The following AHNAK2 variants were observed in gnomAD, a reference collection of about 807,000 sequenced individuals.
AHNAK2 encodes the protein protein AHNAK2.
A neutral mutation model predicts 30.7 loss-of-function variants in AHNAK2; 18 were observed. The ratio of observed to expected loss-of-function variants is 0.59; its 90% CI spans 0.41 to 0.87. AHNAK2 has a LOEUF of 0.87. AHNAK2 is among the 40% of genes least tolerant of loss of function. The pLI, the probability that AHNAK2 is intolerant of heterozygous loss-of-function variation, is 0.00. For synonymous variants in AHNAK2, 3,590 were observed against 3,073.8 expected (o/e 1.17, Z -5.56); for missense variants, 8,604 against 7,373.0 (o/e 1.17, Z -6.11).
In AHNAK2 at chr14:104,941,120, A is replaced by G. The variant is rs757478260; in HGVS notation, c.14331T>C (p.Pro4777=). ...GAGAGAGAATAGAAGATTCAAAGTG[A>G]GGACCAGTGAGATCAAGCCGGGATG... ...FPSSRLDLTG[P]HFESSILSPC... The change falls in exon 7 of 7, where the codon CCT becomes CCC. Residue 4777 remains proline, a synonymous_variant. Coordinates refer to ENST00000333244, the MANE Select transcript of AHNAK2 (RefSeq NM_138420.4). 4 of 1,613,684 alleles carry G rather than the reference A, an allele frequency of 2.5e-6. No homozygotes were observed. The highest frequency in any genetic ancestry group is 3.4e-6 in the Non-Finnish European group (4 of 1,179,896).
At chr14:104,970,725 C>T (rs369342088) in intron 1 of AHNAK2, among the ~76,000 whole-genome samples, 2 of 152,182 alleles carry the variant, frequency 1.3e-5, no homozygotes, top group Admixed American at 6.5e-5. Context: ...TGCCCACCCC[C>T]AGCCTGAGCA....
At position 104,948,127 on chromosome 14, in the gene AHNAK2, C is replaced by G. The variant is rs202152518; in HGVS notation, c.7324G>C (p.Val2442Leu). 7 of 1,612,612 alleles carry G rather than the reference C, an allele frequency of 4.3e-6. No homozygotes were observed. The highest frequency in any genetic ancestry group is 1.1e-5 in the South Asian group (1 of 91,046). Residue 2442 changes from valine (V) to leucine (L), a missense_variant, in exon 7 of 7, where the codon GTG becomes CTG. Transcript: ENST00000333244. The part of the protein sequence containing the change: ...GPKTDVMAPD[V>L]EVSQPSVEVD... ...TCCACGCTGGGCTGAGACACCTCCA[C>G]GTCGGGGGCCATCACGTCCGTCTTG...
In AHNAK2 at chr14:104,944,226, T is replaced by C. The variant is rs1470793464; in HGVS notation, c.11225A>G (p.Asp3742Gly). The change falls in exon 7 of 7, where the codon GAC (aspartate) becomes GGC (glycine). Residue 3742 changes from aspartate to glycine, a missense_variant. By Grantham distance (94) the Asp-to-Gly change is moderately conservative (BLOSUM62 -1). Transcript: ENST00000333244. ...PKVDLKGPQV[D>G]IKGPKLDLKV... ...TAGGTCCAGCTTGGGGCCCTTGATG[T>C]CCACCTGGGGGCCCTTGAGGTCCAC... 1 of 1,612,716 alleles carries C rather than the reference T, an allele frequency of 6.2e-7. No homozygotes were observed. Among genetic ancestry groups the C allele is most frequent in the South Asian group, 1.1e-5 (1 of 91,012 alleles).
intron 1 of AHNAK2, among the ~76,000 whole-genome samples, chr14:104,965,766 G>A (rs894723269): frequency 1.3e-5 from 2 of 152,354 alleles, no homozygotes; most frequent in East Asian, 1.9e-4. Context: ...ACTGTCCCAC[G>A]AAGACAGATG....
rs201267408 is a variant in AHNAK2, at chr14:104,948,931, C to T, written c.6520G>A (p.Ala2174Thr). The change falls in exon 7 of 7, where the codon GCC (alanine) becomes ACC (threonine). Residue 2174 changes from alanine to threonine, a missense_variant. By Grantham distance (58) the Ala-to-Thr change is moderately conservative (BLOSUM62 0). Transcript: ENST00000333244. Reference protein sequence around the residue: ...GVSAPGKSIEASVDVSPPKVE... With the variant: ...GVSAPGKSIETSVDVSPPKVE... The stretch of plus-strand genomic sequence containing the variant: ...TTGGGTGGAGACACATCCACCGAGG[C>T]CTCGATGGACTTGCCTGGGGCAGAC... The T allele has an allele frequency of 9.0e-6, 13 of 1,447,130 alleles. No homozygotes were observed. In the East Asian group the frequency reaches 2.9e-4, roughly 33 times the overall value. 89.6% of individuals were successfully genotyped at this position (1,447,130 alleles called of 1,614,324 possible). A position where few individuals can be genotyped will look rare whatever the true frequency, so the allele number is the denominator to read the frequency against.
At position 104,942,822 on chromosome 14, in the gene AHNAK2, G is replaced by A. The variant is rs202233797; in HGVS notation, c.12629C>T (p.Ala4210Val). The A allele has an allele frequency of 3.7e-6, 6 of 1,612,864 alleles. No homozygotes were observed. The highest frequency in any genetic ancestry group is 1.3e-5 in the African/African-American group (1 of 74,730). ...CTTGGGGAGGTGCCCTTTGAGGCCG[G>A]CTCCCTTGGGCAGGGGGCCCTCCGG... ...KLPEGPLPKGAGLKGHLPKVQ... is the reference protein window; with the variant it reads ...KLPEGPLPKGVGLKGHLPKVQ... Residue 4210 changes from alanine (A) to valine (V), a missense_variant, in exon 7 of 7, where the codon GCC becomes GTC. Transcript: ENST00000333244.
Position 104,950,286 on chromosome 14 carries a change from A to G in AHNAK2, c.5165T>C (p.Val1722Ala). The change falls in exon 7 of 7, where the codon GTG (valine) becomes GCG (alanine). Residue 1722 changes from valine (V) to alanine (A), a missense_variant. Val to Ala is a moderately conservative substitution (Grantham distance 64). Transcript: ENST00000333244. Reference protein sequence around the residue: ...SADLEVQAGQVNVKLPEGPLP... With the variant: ...SADLEVQAGQANVKLPEGPLP... ...GGGGCCCTCCGGGAGTTTCACGTTCACTTGGCCAGCCTGGACCTCCAGGTC... is the reference window on the plus strand; with the variant it reads ...GGGGCCCTCCGGGAGTTTCACGTTCGCTTGGCCAGCCTGGACCTCCAGGTC... 1 of 1,584,730 alleles carries G rather than the reference A, an allele frequency of 6.3e-7. No individual in the cohort carries two copies. The highest frequency in any genetic ancestry group is 1.1e-5 in the South Asian group (1 of 89,736).
chr14:104,950,261 G>A lies in AHNAK2; in HGVS notation c.5190C>T (p.Pro1730=), dbSNP rs543160170. 5.2e-5 allele frequency: 83 copies of A among 1,582,870 alleles called. 13 individuals carry two copies. In the African/African-American group the frequency reaches 8.6e-4, roughly 16 times the overall value. Residue 1730 remains proline, a synonymous_variant, in exon 7 of 7, where the codon CCC becomes CCT. Transcript: ENST00000333244. Reference sequence around the variant, plus strand: ...CTTTGAAGCCGGCTCCCTCGGGAAGGGGGCCCTCCGGGAGTTTCACGTTCA... The same window carrying A: ...CTTTGAAGCCGGCTCCCTCGGGAAGAGGGCCCTCCGGGAGTTTCACGTTCA... The part of the protein sequence containing the change: ...GQVNVKLPEG[P]LPEGAGFKGH...
In AHNAK2 at chr14:104,951,940, G is replaced by A; in HGVS notation, c.3511C>T (p.Pro1171Ser). The change falls in exon 7 of 7, where the codon CCA (proline) becomes TCA (serine). Residue 1171 changes from proline to serine, a missense_variant. Physicochemically the swap from Pro to Ser is moderately conservative, Grantham distance 74. Transcript: ENST00000333244. ...CCTGGGGCTGACGCCCCGAACGATG[G>A]CATCTTGAACTTGGGCATTTTGAAC... is the stretch of plus-strand genomic sequence containing the variant. ...SRFKMPKFKM[P>S]SFGASAPGKS... The A allele has an allele frequency of 6.2e-7, 1 of 1,611,098 alleles. No homozygotes were observed. Among genetic ancestry groups the A allele is most frequent in the Non-Finnish European group, 8.5e-7 (1 of 1,178,972 alleles).
chr14:104,942,354 A>G lies in AHNAK2; in HGVS notation c.13097T>C (p.Leu4366Pro). 6.2e-7 allele frequency: 1 copy of G among 1,612,518 alleles called. No homozygotes were observed. Among genetic ancestry groups the G allele is most frequent in the Non-Finnish European group, 8.5e-7 (1 of 1,179,596 alleles). Residue 4366 changes from leucine (L) to proline (P), a missense_variant, in exon 7 of 7, where the codon CTC becomes CCC. Physicochemically the swap from Leu to Pro is moderately conservative, Grantham distance 98. Transcript: ENST00000333244. The stretch of plus-strand genomic sequence containing the variant: ...TCCCTCATGCACAGGGCCCTCTGGG[A>G]GTTTCACATCCTCTTGGCCAGCCTG... ...EVQAGQEDVK[L>P]PEGPVHEGAG...
chr14:104,947,706 T>C lies in AHNAK2; in HGVS notation c.7745A>G (p.Lys2582Arg), dbSNP rs1245924113. 2 of 1,612,752 alleles carry C rather than the reference T, an allele frequency of 1.2e-6. No individual in the cohort carries two copies. The highest frequency in any genetic ancestry group is 1.7e-5 in the Admixed American group (1 of 59,916). Residue 2582 changes from lysine (K) to arginine (R), a missense_variant, in exon 7 of 7, where the codon AAG becomes AGG. Physicochemically the swap from Lys to Arg is conservative, Grantham distance 26 (BLOSUM62 2). Coordinates refer to ENST00000333244, the MANE Select transcript of AHNAK2 (RefSeq NM_138420.4). ...GCCCTTGACATCTAGCTGGGGGCCCTTGAGGTCCATTTCAGGCATCTTGAA... is the reference window on the plus strand; with the variant it reads ...GCCCTTGACATCTAGCTGGGGGCCCCTGAGGTCCATTTCAGGCATCTTGAA... ...PSFKMPEMDL[K>R]GPQLDVKGPK...
At position 104,946,263 on chromosome 14, in the gene AHNAK2, T is replaced by G; in HGVS notation, c.9188A>C (p.Lys3063Thr). 6.2e-7 allele frequency: 1 copy of G among 1,610,262 alleles called. No individual in the cohort carries two copies. The highest frequency in any genetic ancestry group is 1.1e-5 in the South Asian group (1 of 90,864). ...EGAGLKGHLP[K>T]LQMPSFKMPK... is the part of the protein sequence containing the mutation. ...CATCTTGAAACTGGGCATCTGCAACTTGGGCAGGTGCCCTTTGAGGCCAGC... is the reference window on the plus strand; with the variant it reads ...CATCTTGAAACTGGGCATCTGCAACGTGGGCAGGTGCCCTTTGAGGCCAGC... Residue 3063 changes from lysine (K) to threonine (T), a missense_variant, in exon 7 of 7, where the codon AAG (lysine) becomes ACG (threonine). Coordinates refer to ENST00000333244, the MANE Select transcript of AHNAK2 (RefSeq NM_138420.4).
At position 104,946,800 on chromosome 14, in the gene AHNAK2, C is replaced by G. The variant is rs1378807054; in HGVS notation, c.8651G>C (p.Gly2884Ala). 3.1e-6 allele frequency: 5 copies of G among 1,612,516 alleles called. No individual in the cohort carries two copies. In the South Asian group the frequency reaches 5.5e-5, roughly 18 times the overall value. The part of the protein sequence containing the change: ...AGQVDVKLPE[G>A]HVPEGAGLKG... ...GAGGCCGGCTCCCTCGGGAACGTGG[C>G]CCTCTGGGAGTTTCACGTCCACCTG... The change falls in exon 7 of 7, where the codon GGC (glycine) becomes GCC (alanine). Residue 2884 changes from glycine (G) to alanine (A), a missense_variant. Gly to Ala is a moderately conservative substitution (Grantham distance 60). Coordinates refer to ENST00000333244, the MANE Select transcript of AHNAK2 (RefSeq NM_138420.4).
chr14:104,950,110 C>T lies in AHNAK2; in HGVS notation c.5341G>A (p.Asp1781Asn), dbSNP rs756808914. Residue 1781 changes from aspartate (D) to asparagine (N), a missense_variant, in exon 7 of 7, where the codon GAC becomes AAC. Asp to Asn is a conservative substitution (Grantham distance 23). Coordinates refer to ENST00000333244, the MANE Select transcript of AHNAK2 (RefSeq NM_138420.4). ...KGPKAEVMAP[D>N]VEVSLPSVEV... ...ACGCTGGGCAGAGACACCTCCACGTCGGGGGCCATCACCTCCGCCTTGGGG... is the reference window on the plus strand; with the variant it reads ...ACGCTGGGCAGAGACACCTCCACGTTGGGGGCCATCACCTCCGCCTTGGGG... 6.9e-6 allele frequency: 11 copies of T among 1,586,876 alleles called. 1 individual carries two copies. The highest frequency in any genetic ancestry group is 4.5e-5 in the East Asian group (2 of 44,442).
chr14:104,952,944 G>A lies in AHNAK2; in HGVS notation c.2507C>T (p.Pro836Leu). 6.2e-7 allele frequency: 1 copy of A among 1,611,830 alleles called. No homozygotes were observed. Among genetic ancestry groups the A allele is most frequent in the Non-Finnish European group, 8.5e-7 (1 of 1,179,360 alleles). ...VTAKDSKFKM[P>L]KFKMPSFGVS... The stretch of plus-strand genomic sequence containing the variant: ...CCCGAATGATGGCATCTTGAACTTG[G>A]GCATTTTGAACTTGCTGTCTTTGGC... Residue 836 changes from proline (P) to leucine (L), a missense_variant, in exon 7 of 7, where the codon CCC becomes CTC. Pro to Leu is a moderately conservative substitution (Grantham distance 98, BLOSUM62 -3). Coordinates refer to ENST00000333244, the MANE Select transcript of AHNAK2 (RefSeq NM_138420.4).
Position 104,938,741 on chromosome 14 carries a change from A to C in AHNAK2, c.16710T>G (p.Thr5570=), listed in dbSNP as rs775680609. Residue 5570 remains threonine, a synonymous_variant, in exon 7 of 7, where the codon ACT becomes ACG. Transcript: ENST00000333244. ...DSISGDLQPD[T]GEPFEMISSS... Reference sequence around the variant, plus strand: ...AAGAGATCATCTCAAATGGTTCTCCAGTGTCAGGCTGGAGATCTCCAGAAA... The same window carrying C: ...AAGAGATCATCTCAAATGGTTCTCCCGTGTCAGGCTGGAGATCTCCAGAAA... 6.2e-7 allele frequency: 1 copy of C among 1,613,868 alleles called. No individual in the cohort carries two copies. The highest frequency in any genetic ancestry group is 1.1e-5 in the South Asian group (1 of 91,066).
At position 104,949,934 on chromosome 14, in the gene AHNAK2, G is replaced by C. The variant is rs2582509; in HGVS notation, c.5517C>G (p.Gly1839=). 3.5e-3 allele frequency: 5,558 copies of C among 1,586,170 alleles called. 360 individuals carry two copies. In the African/African-American group the frequency reaches 0.061, roughly 17 times the overall value. Residue 1839 remains glycine, a synonymous_variant, in exon 7 of 7, where the codon GGC becomes GGG. Coordinates refer to ENST00000333244, the MANE Select transcript of AHNAK2 (RefSeq NM_138420.4). ...CATCCACCGAGGCCTCGATGGACTT[G>C]CCTGGGGCAGACACCCCGAACGACG... ...KMPSFGVSAP[G]KSIEASVDVS...
chr14:104,958,294 C>T lies in AHNAK2; in HGVS notation c.56-622G>A, dbSNP rs112567771. Among the ~76,000 whole-genome samples, 1,393 of 152,030 alleles carry T rather than the reference C, an allele frequency of 9.2e-3. 17 individuals are homozygous for T. Among genetic ancestry groups the T allele is most frequent in the African/African-American group, 0.032 (1,317 of 41,434 alleles). ...AGAAACCCCATCTCTACTAAAAATACAAAATTAGCCAGGCATGGTGGCACA... is the reference window on the plus strand; with the variant it reads ...AGAAACCCCATCTCTACTAAAAATATAAAATTAGCCAGGCATGGTGGCACA... On this transcript the variant is annotated intron_variant, in intron 1 of 6. Coordinates refer to ENST00000333244, the MANE Select transcript of AHNAK2 (RefSeq NM_138420.4).
In AHNAK2 at chr14:104,947,129, C is replaced by T; in HGVS notation, c.8322G>A (p.Met2774Ile). Residue 2774 changes from methionine to isoleucine, a missense_variant, in exon 7 of 7, where the codon ATG (methionine) becomes ATA (isoleucine). By Grantham distance (10) the Met-to-Ile change is conservative. Transcript: ENST00000333244. Reference sequence around the variant, plus strand: ...CGTCCACCTCCATGCTGGACAGAGACATCTTCACATCGGGGGCTGTCACTT... The same window carrying T: ...CGTCCACCTCCATGCTGGACAGAGATATCTTCACATCGGGGGCTGTCACTT... ...KAEVTAPDVK[M>I]SLSSMEVDVQ... 1.9e-6 allele frequency: 3 copies of T among 1,612,070 alleles called. No individual in the cohort carries two copies. Among genetic ancestry groups the T allele is most frequent in the South Asian group, 1.1e-5 (1 of 91,010 alleles).
Sources: allele counts gnomAD v4.1 joint callset (sites outside exome capture counted in the v4.1 genomes callset), GRCh38; gene constraint gnomAD v4.1.1; transcripts MANE v1.5; gene names NCBI Gene and HGNC (gene_info 2026-07-23, HGNC 2026-07-21).